Variants in PHKB observed in about 807,000 individuals in gnomAD.
The protein encoded by PHKB is phosphorylase kinase regulatory subunit beta.
In PHKB, 122 loss-of-function variants were observed where a neutral mutation model predicts 152.1. The ratio of observed to expected loss-of-function variants is 0.80; its 90% confidence interval spans 0.69 to 0.93. PHKB has a LOEUF of 0.93. Ranked by LOEUF, PHKB falls within the 40% of genes least tolerant of loss-of-function variation. PHKB has a pLI of 0.00. For missense variants in PHKB, 1,304 were observed against 1,328.4 expected (o/e 0.98, Z 0.29); for synonymous variants, 436 against 464.9 (o/e 0.94, Z 0.80).
chr16:47,610,159 ATTTTTTTTTT>A (rs371224839), intron 13 of PHKB, among the ~76,000 whole-genome samples: 12 of 99,430 alleles, frequency 1.2e-4, no homozygotes, highest in African/African-American at 1.6e-4. Context: ...TGCCCAGCTA[ATTTTTTTTTT>A]TTTTTTTTTT....
At chr16:47,608,508 T>C (rs915904503) in intron 13 of PHKB, among the ~76,000 whole-genome samples, 7 of 152,212 alleles carry the variant, frequency 4.6e-5, no homozygotes, top group Non-Finnish European at 1.0e-4. Flanking sequence ...GGCCAAGAGT[T>C]TGAGACCAGC....
chr16:47,483,422 T>C (rs1366505606), intron 1 of PHKB, among the ~76,000 whole-genome samples: 1 of 152,178 alleles, frequency 6.6e-6, no homozygotes, highest in Non-Finnish European at 1.5e-5. Context: ...TATGGTGAAC[T>C]AAGACTCTGT....
At chr16:47,629,207 A>C (rs970260558) in intron 14 of PHKB, among the ~76,000 whole-genome samples, 5 of 152,136 alleles carry the variant, frequency 3.3e-5, no homozygotes, top group African/African-American at 4.8e-5. Flanking sequence ...TCTGCACAGC[A>C]AAAGAAACCA....
chr16:47,630,563 G>A (rs1050839400), intron 14 of PHKB, among the ~76,000 whole-genome samples: 1 of 152,122 alleles, frequency 6.6e-6, no homozygotes, highest in Admixed American at 6.5e-5. Flanking sequence ...CTGATCTCAG[G>A]TGTCTGAAGA....
chr16:47,597,048 T>C (rs1972132981), intron 13 of PHKB, among the ~76,000 whole-genome samples: 1 of 152,182 alleles, frequency 6.6e-6, no homozygotes, highest in South Asian at 2.1e-4. Flanking sequence ...AACTGAATCA[T>C]AGCACTCTTG....
At position 47,596,465 on chromosome 16, in the gene PHKB, A is replaced by G. The variant is rs1972121700; in HGVS notation, c.1297A>G (p.Asn433Asp). 6.2e-7 allele frequency: 1 copy of G among 1,613,840 alleles called. No homozygotes were observed. Among genetic ancestry groups the G allele is most frequent in the African/African-American group, 1.3e-5 (1 of 74,930 alleles). ...NPGSQKRFPSNCGRDGKLFLW... is the reference protein window; with the variant it reads ...NPGSQKRFPSDCGRDGKLFLW... ...TGGTAGTCAAAAACGATTTCCTAGC[A>G]ACTGTGGCCGTGATGGAAAACTGTT... The change falls in exon 13 of 31, where the codon AAC (asparagine) becomes GAC (aspartate). Residue 433 changes from asparagine (N) to aspartate (D), a missense_variant. Physicochemically the swap from Asn to Asp is conservative, Grantham distance 23. Coordinates refer to ENST00000323584, the MANE Select transcript of PHKB (RefSeq NM_000293.3).
chr16:47,622,433 A>G (rs1468587744), intron 14 of PHKB, among the ~76,000 whole-genome samples: 1 of 152,092 alleles, frequency 6.6e-6, no homozygotes, highest in African/African-American at 2.4e-5. Flanking sequence ...TTGAGGAATG[A>G]TTTTTCTCTC....
At chr16:47,602,155 G>C (rs1972239553) in intron 13 of PHKB, among the ~76,000 whole-genome samples, 1 of 152,066 alleles carries the variant, frequency 6.6e-6, no homozygotes, top group Non-Finnish European at 1.5e-5. Context: ...CAAACTCCTG[G>C]GCTCAAGTGA....
chr16:47,680,596 T>A (rs1973832024), intron 26 of PHKB, among the ~76,000 whole-genome samples: 1 of 152,222 alleles, frequency 6.6e-6, no homozygotes, highest in Non-Finnish European at 1.5e-5. Flanking sequence ...TTTGTATTTC[T>A]GTGGGATCGG....
At chr16:47,483,034 CTTTTTTTTTT>C (rs35429055) in intron 1 of PHKB, among the ~76,000 whole-genome samples, 1 of 91,852 alleles carries the variant, frequency 1.1e-5, no homozygotes, top group East Asian at 3.5e-4. Flanking sequence ...TAAATAATTT[CTTTTTTTTTT>C]TTTTTTTTTT....
At chr16:47,552,665 C>T (rs1041326214) in intron 7 of PHKB, among the ~76,000 whole-genome samples, 10 of 152,034 alleles carry the variant, frequency 6.6e-5, no homozygotes, top group East Asian at 5.8e-4. Context: ...AAAAATTAGC[C>T]GAGTGTGGTG....
intron 30 of PHKB, 30 bp from the exon 31 acceptor site, chr16:47,699,199 G>A (rs753360965): frequency 6.8e-6 from 11 of 1,611,308 alleles, no homozygotes; most frequent in Non-Finnish European, 7.6e-6. Flanking sequence ...ACAGAAGATC[G>A]AATGCCTTGC....
intron 8 of PHKB, among the ~76,000 whole-genome samples, chr16:47,581,802 C>G (rs1971851606): frequency 6.6e-6 from 1 of 152,126 alleles, no homozygotes; most frequent in East Asian, 1.9e-4. Context: ...GCCTCGGACC[C>G]CCGAGTAGCT....
At chr16:47,645,026 TTC>T (rs2151728241) in intron 16 of PHKB, among the ~76,000 whole-genome samples, 1 of 152,290 alleles carries the variant, frequency 6.6e-6, no homozygotes, top group Non-Finnish European at 1.5e-5. Flanking sequence ...ATACCAAGAT[TTC>T]TTGAAATAAA....
At position 47,547,335 on chromosome 16, in the gene PHKB, A is replaced by T. The variant is rs1003935989; in HGVS notation, c.595-98A>T. 3 of 738,018 alleles carry T rather than the reference A, an allele frequency of 4.1e-6. No individual in the cohort carries two copies. The East Asian group carries it at 7.9e-5, about 19-fold the overall frequency. The allele number at this position is 738,018 out of a possible 1,614,324, so 45.7% of individuals were successfully genotyped here. Reference sequence around the variant, plus strand: ...CCAACCTCATGTAATCCCTCCCCTCAGCCTCCCAAATTGCTGGGATTACAG... The same window carrying T: ...CCAACCTCATGTAATCCCTCCCCTCTGCCTCCCAAATTGCTGGGATTACAG... On this transcript the variant is annotated intron_variant, in intron 6 of 30. Coordinates refer to ENST00000323584, the MANE Select transcript of PHKB (RefSeq NM_000293.3).
intron 7 of PHKB, chr16:47,562,235 C>G (rs1971487803): frequency 6.6e-6 from 1 of 152,242 alleles, no homozygotes; most frequent in Admixed American, 6.5e-5. Flanking sequence ...CCAGAAGTGA[C>G]CCACAGCTGG....
chr16:47,483,498 C>T (rs1441863602), intron 1 of PHKB, among the ~76,000 whole-genome samples: 1 of 152,104 alleles, frequency 6.6e-6, no homozygotes, highest in Non-Finnish European at 1.5e-5. Context: ...AATAATGACC[C>T]TGAGTTTCTC....
chr16:47,624,222 A>G (rs2151716617), intron 14 of PHKB, among the ~76,000 whole-genome samples: 1 of 152,330 alleles, frequency 6.6e-6, no homozygotes, highest in East Asian at 1.9e-4. Context: ...TTATAGAACC[A>G]ACTGGTTTAT....
intron 6 of PHKB, chr16:47,529,500 A>G (rs1219313798): frequency 2.0e-5 from 3 of 152,034 alleles, no homozygotes; most frequent in Non-Finnish European, 2.9e-5. Context: ...GGCACGCACT[A>G]CCACATCTGG....
Sources: allele counts gnomAD v4.1 joint callset (sites outside exome capture counted in the v4.1 genomes callset), GRCh38; gene constraint gnomAD v4.1.1; transcripts MANE v1.5; gene names NCBI Gene and HGNC (gene_info 2026-07-23, HGNC 2026-07-21).